Variants in ZZZ3 observed in about 807,000 individuals in gnomAD.
The protein encoded by ZZZ3 is zinc finger ZZ-type containing 3, also known as ZZ-type zinc finger-containing protein 3.
ZZZ3 carries 22 observed loss-of-function variants against 95.2 expected under a neutral mutation model. The observed-to-expected ratio is 0.23, with a 90% CI of 0.17 to 0.33. The LOEUF (loss-of-function observed/expected upper bound fraction) is 0.33, where lower values mean the gene tolerates loss of function less well. Among genes scored for constraint, ZZZ3 ranks in the 10% least tolerant of loss-of-function variants. The pLI is 1.00. For synonymous variants in ZZZ3, 335 were observed against 358.9 expected (o/e 0.93, Z 0.75); for missense variants, 885 against 1,066.5 (o/e 0.83, Z 2.37).
chr1:77,646,516 C>T (rs931131840), intron 1 of ZZZ3, among the ~76,000 whole-genome samples: 4 of 152,110 alleles, frequency 2.6e-5, no homozygotes, highest in South Asian at 4.2e-4. Flanking sequence ...AGTTATGGCG[C>T]CCAGCTCTGC....
chr1:77,631,659 T>C (rs1409824499), intron 5 of ZZZ3, among the ~76,000 whole-genome samples, 191 bp downstream of exon 5: 1 of 152,218 alleles, frequency 6.6e-6, no homozygotes, highest in East Asian at 1.9e-4. Context: ...CATGTTGTCA[T>C]AGAACACACG....
chr1:77,650,668 A>G (rs896989584), intron 1 of ZZZ3, among the ~76,000 whole-genome samples: 11 of 149,130 alleles, frequency 7.4e-5, no homozygotes, highest in African/African-American at 2.5e-4. Context: ...AGAAACTAGA[A>G]AAAAAAAAAA....
rs918992833 is a variant in ZZZ3, at chr1:77,578,818, G to C, written c.2134C>G (p.Pro712Ala). ...AAGTTTGGTGTTCTGCCTGGTACTG[G>C]AATGCCAGCTTTAGTTAGCTTTATG... ...YFIKLTKAGI[P>A]VPGRTPNLYI... Residue 712 changes from proline to alanine, a missense_variant, in exon 11 of 15, where the codon CCA becomes GCA. Physicochemically the swap from Pro to Ala is conservative, Grantham distance 27. Transcript: ENST00000370801. 3.2e-6 allele frequency: 5 copies of C among 1,576,114 alleles called. No homozygotes were observed. The African/African-American group carries it at 6.9e-5, about 22-fold the overall frequency.
At chr1:77,608,903 A>G (rs1317469860) in intron 5 of ZZZ3, among the ~76,000 whole-genome samples, 1 of 152,206 alleles carries the variant, frequency 6.6e-6, no homozygotes, top group Non-Finnish European at 1.5e-5. Context: ...ACACATACAC[A>G]AAAAATAAAA....
intron 13 of ZZZ3, 97 bp downstream of exon 13, chr1:77,568,235 C>A: frequency 1.9e-6 from 2 of 1,038,564 alleles, no homozygotes; most frequent in Non-Finnish European, 2.7e-6. Context: ...GCTGAGATCA[C>A]GCCACTGCAC....
chr1:77,644,758 T>C (rs1326987345), intron 1 of ZZZ3, among the ~76,000 whole-genome samples: 2 of 152,188 alleles, frequency 1.3e-5, no homozygotes, highest in African/African-American at 4.8e-5. Flanking sequence ...CTCCCAAATT[T>C]TAGTGTGTCT....
chr1:77,622,577 T>C (rs1010910140), intron 5 of ZZZ3, among the ~76,000 whole-genome samples: 1 of 152,168 alleles, frequency 6.6e-6, no homozygotes, highest in Non-Finnish European at 1.5e-5. Context: ...ACAAAAATCC[T>C]TGAAATATCT....
intron 5 of ZZZ3, among the ~76,000 whole-genome samples, chr1:77,590,729 T>C (rs548536338): frequency 1.6e-4 from 25 of 152,366 alleles, no homozygotes; most frequent in South Asian, 8.3e-4. Flanking sequence ...ATAATTTTAT[T>C]GTACCAATGT....
intron 1 of ZZZ3, among the ~76,000 whole-genome samples, chr1:77,671,871 T>C (rs1363183599): frequency 1.3e-5 from 2 of 152,162 alleles, no homozygotes; most frequent in African/African-American, 2.4e-5. Context: ...AGTAGATACC[T>C]GAATATGAGG....
intron 5 of ZZZ3, among the ~76,000 whole-genome samples, chr1:77,595,747 A>T (rs1664157069): frequency 6.6e-6 from 1 of 152,044 alleles, no homozygotes; most frequent in Non-Finnish European, 1.5e-5. Flanking sequence ...GATAAATTGG[A>T]GAGAGATGAA....
At chr1:77,615,447 AG>A (rs1404339695) in intron 5 of ZZZ3, among the ~76,000 whole-genome samples, 1 of 152,224 alleles carries the variant, frequency 6.6e-6, no homozygotes, top group African/African-American at 2.4e-5. Context: ...CTAGGAAAAA[AG>A]ATGGTTAAAT....
At chr1:77,634,336 G>A in intron 4 of ZZZ3, among the ~76,000 whole-genome samples, 1 of 152,166 alleles carries the variant, frequency 6.6e-6, no homozygotes, top group East Asian at 1.9e-4. Context: ...GCTAAAATGA[G>A]TTTCAGATCA....
intron 5 of ZZZ3, among the ~76,000 whole-genome samples, chr1:77,609,317 A>G (rs12026939): frequency 0.63 from 96,102 of 151,984 alleles, 31,864 homozygotes; most frequent in Non-Finnish European, 0.74. Context: ...TGATGAAGGG[A>G]TCAATTCAGC....
chr1:77,627,114 A>T (rs952032020), intron 5 of ZZZ3, among the ~76,000 whole-genome samples: 1 of 152,212 alleles, frequency 6.6e-6, no homozygotes, highest in South Asian at 2.1e-4. Flanking sequence ...CCATGAAGTA[A>T]GTCCTCACTG....
intron 1 of ZZZ3, among the ~76,000 whole-genome samples, chr1:77,656,723 C>T (rs1199480265): frequency 6.6e-6 from 1 of 152,154 alleles, no homozygotes; most frequent in Admixed American, 6.6e-5. Context: ...CTGGACTCTC[C>T]GTCACCTCTA....
At chr1:77,568,614 G>A in intron 12 of ZZZ3, 148 bp from the exon 13 acceptor site, 1 of 393,972 alleles carries the variant, frequency 2.5e-6, no homozygotes, top group East Asian at 4.8e-5. Flanking sequence ...GCTGTTATTA[G>A]CAGTATTTTC....
chr1:77,611,698 G>A (rs1390561036), intron 5 of ZZZ3, among the ~76,000 whole-genome samples: 1 of 151,980 alleles, frequency 6.6e-6, no homozygotes, highest in Non-Finnish European at 1.5e-5. Flanking sequence ...CAGTCAATTG[G>A]TCTTTGACAA....
chr1:77,610,471 T>C (rs930890007), intron 5 of ZZZ3, among the ~76,000 whole-genome samples: 1 of 151,712 alleles, frequency 6.6e-6, no homozygotes, highest in African/African-American at 2.4e-5. Flanking sequence ...TTATATGAAG[T>C]ATTACCCTGA....
chr1:77,659,418 C>G (rs541930569), intron 1 of ZZZ3, among the ~76,000 whole-genome samples: 1 of 151,938 alleles, frequency 6.6e-6, no homozygotes, highest in Non-Finnish European at 1.5e-5. Context: ...AATCTCAGCA[C>G]TTTGGGAGGC....
Sources: allele counts gnomAD v4.1 joint callset (sites outside exome capture counted in the v4.1 genomes callset), GRCh38; gene constraint gnomAD v4.1.1; transcripts MANE v1.5; gene names NCBI Gene and HGNC (gene_info 2026-07-23, HGNC 2026-07-21).